KIAA0319: variants seen among roughly 807,000 people sequenced by gnomAD.
KIAA0319 encodes dyslexia-associated protein KIAA0319.
KIAA0319 carries 83 observed loss-of-function variants against 108.4 expected under a neutral mutation model. The ratio of observed to expected loss-of-function variants is 0.77; its 90% CI spans 0.64 to 0.92. The LOEUF (loss-of-function observed/expected upper bound fraction) is 0.92. Ranked by LOEUF, KIAA0319 falls within the 40% of genes least tolerant of loss-of-function variation. KIAA0319 has a pLI of 0.00. For synonymous variants in KIAA0319, 484 were observed against 510.4 expected (o/e 0.95, Z 0.70); for missense variants, 1,195 against 1,322.4 (o/e 0.90, Z 1.49).
At chr6:24,569,555 T>C (rs1388077563) in intron 12 of KIAA0319, among the ~76,000 whole-genome samples, 11 of 152,214 alleles carry the variant, frequency 7.2e-5, no homozygotes, top group Admixed American at 7.2e-4. Flanking sequence ...TTAGATGATA[T>C]GGGTCGCCCC....
intron 6 of KIAA0319, among the ~76,000 whole-genome samples, chr6:24,581,599 T>A (rs1489590159): frequency 6.6e-6 from 1 of 152,178 alleles, no homozygotes; most frequent in Non-Finnish European, 1.5e-5. Flanking sequence ...TATTGGCAAC[T>A]CTAGAGATGT....
chr6:24,617,143 T>G (rs907856575), intron 1 of KIAA0319, among the ~76,000 whole-genome samples: 2 of 152,128 alleles, frequency 1.3e-5, no homozygotes, highest in Non-Finnish European at 2.9e-5. Flanking sequence ...AACAACCATT[T>G]ACATTTAATA....
intron 1 of KIAA0319, among the ~76,000 whole-genome samples, chr6:24,633,498 G>A (rs1485953522): frequency 6.6e-6 from 1 of 152,122 alleles, no homozygotes; most frequent in African/African-American, 2.4e-5. Context: ...AGTGGCTCAT[G>A]CCTGGAATCC....
intron 8 of KIAA0319, among the ~76,000 whole-genome samples, chr6:24,579,242 C>A (rs1411411149): frequency 6.6e-6 from 1 of 151,734 alleles, no homozygotes; most frequent in Non-Finnish European, 1.5e-5. Flanking sequence ...AACACAGGGG[C>A]CCCTTCCACA....
At chr6:24,639,113 T>A (rs1183603082) in intron 1 of KIAA0319, among the ~76,000 whole-genome samples, 1 of 152,014 alleles carries the variant, frequency 6.6e-6, no homozygotes, top group African/African-American at 2.4e-5. Context: ...TGTAAAGAGA[T>A]AATGGCAAAC....
chr6:24,631,579 A>G (rs6923143), intron 1 of KIAA0319, among the ~76,000 whole-genome samples: 107,081 of 151,966 alleles, frequency 0.7, 38,303 homozygotes, highest in East Asian at 0.87. Flanking sequence ...TTACTCCTGG[A>G]AACACTGTCC....
At chr6:24,583,084 G>C (rs532023897) in intron 5 of KIAA0319, 1 of 985,326 alleles carries the variant, frequency 1.0e-6, no homozygotes, top group East Asian at 1.1e-4. Context: ...CATTTGACAG[G>C]CCACAGGTCC....
rs761541132 is a variant in KIAA0319, at chr6:24,583,676, C to T, written c.1021G>A (p.Asp341Asn). Residue 341 changes from aspartate to asparagine, a missense_variant, in exon 5 of 21, where the codon GAT becomes AAT. Asp to Asn is a conservative substitution (Grantham distance 23). Transcript: ENST00000378214. The stretch of plus-strand genomic sequence containing the variant: ...TCGGGTAAAGTTATAATTAGGTTAT[C>T]TCCAGCCGATACCGTAAGTTCTTTC... ...TVKELTVSAG[D>N]NLIITLPDNE... 1 of 1,613,154 alleles carries T rather than the reference C, an allele frequency of 6.2e-7. No individual in the cohort carries two copies. Among genetic ancestry groups the T allele is most frequent in the East Asian group, 2.2e-5 (1 of 44,866 alleles).
At chr6:24,544,079 A>G (rs1045596531), downstream of KIAA0319, 1 of 152,288 alleles carries the variant, frequency 6.6e-6, no homozygotes, top group African/African-American at 2.4e-5. Flanking sequence ...GAACAGCCAT[A>G]GATAATACAT....
intron 20 of KIAA0319, among the ~76,000 whole-genome samples, chr6:24,548,043 A>C (rs548006506): frequency 1.3e-5 from 2 of 152,100 alleles, no homozygotes; most frequent in Non-Finnish European, 2.9e-5. Context: ...GGGAAAAAAA[A>C]CAAAAACAAG....
downstream of KIAA0319, among the ~76,000 whole-genome samples, chr6:24,540,474 T>C (rs964074383): frequency 1.3e-5 from 2 of 152,184 alleles, no homozygotes; most frequent in Admixed American, 6.5e-5. Flanking sequence ...ATGTGCTCTC[T>C]TCCTGCTGCA....
In KIAA0319 at chr6:24,599,125, G is replaced by A. The variant is rs1163787016; in HGVS notation, c.55+1924C>T. On this transcript the variant is annotated intron_variant, in intron 2 of 20. Coordinates refer to ENST00000378214, the MANE Select transcript of KIAA0319 (RefSeq NM_014809.4). This position sits in a 1 kb window ranked among gnomAD's most constrained non-coding sequence, Gnocchi z 4.1. ...AACAGCTGGTCCCTGGACATGGACA[G>A]CATCATTGCTGAGGTCAAGGCCCAG... The A allele has an allele frequency of 3.0e-6, 2 of 658,500 alleles. No homozygotes were observed. The highest frequency in any genetic ancestry group is 5.4e-6 in the Non-Finnish European group (2 of 368,666). 40.8% of individuals were successfully genotyped at this position (658,500 alleles called of 1,614,324 possible). A position where few individuals can be genotyped will look rare whatever the true frequency, so the allele number is the denominator to read the frequency against.
chr6:24,600,962 G>A (rs926145672), intron 2 of KIAA0319, 87 bp downstream of exon 2: 19 of 1,534,348 alleles, frequency 1.2e-5, no homozygotes, highest in African/African-American at 6.8e-5. Flanking sequence ...AACCAACAGC[G>A]TCTTCACCTC....
chr6:24,570,039 G>A lies in KIAA0319; in HGVS notation c.1859-4C>T, dbSNP rs1764470137. ...GCCACTGGAGGTCTATTGTTTTCTG[G>A]AATTACAGAAACAGTGTGAAAAAGT... On this transcript the variant is annotated splice_polypyrimidine_tract_variant and splice_region_variant and intron_variant, in intron 11 of 20. Coordinates refer to ENST00000378214, the MANE Select transcript of KIAA0319 (RefSeq NM_014809.4). 6.2e-7 allele frequency: 1 copy of A among 1,612,588 alleles called. No individual in the cohort carries two copies. Among genetic ancestry groups the A allele is most frequent in the African/African-American group, 1.3e-5 (1 of 74,850 alleles).
intron 1 of KIAA0319, among the ~76,000 whole-genome samples, chr6:24,606,896 C>T (rs1771486433): frequency 6.6e-6 from 1 of 152,230 alleles, no homozygotes; most frequent in South Asian, 2.1e-4. Context: ...CCATCTAGGA[C>T]TACACAGAGG....
chr6:24,587,407 A>C (rs771371282), intron 4 of KIAA0319, among the ~76,000 whole-genome samples: 15 of 151,850 alleles, frequency 9.9e-5, no homozygotes, highest in Non-Finnish European at 1.9e-4. Context: ...CAGCCTCCCA[A>C]GTAGCTGGGA....
intron 3 of KIAA0319, among the ~76,000 whole-genome samples, chr6:24,594,358 G>A (rs1326886541): frequency 6.6e-6 from 1 of 151,812 alleles, no homozygotes; most frequent in African/African-American, 2.4e-5. Flanking sequence ...GGGCACGGTG[G>A]CTCATGCCTG....
chr6:24,624,805 C>T (rs1309472275), intron 1 of KIAA0319, among the ~76,000 whole-genome samples: 1 of 152,236 alleles, frequency 6.6e-6, no homozygotes, highest in African/African-American at 2.4e-5. Flanking sequence ...GAAGCCCTGA[C>T]TCCCATATTT....
intron 12 of KIAA0319, among the ~76,000 whole-genome samples, chr6:24,569,162 A>AT (rs578052918): frequency 4.0e-4 from 61 of 152,292 alleles, no homozygotes; most frequent in African/African-American, 1.5e-3. Flanking sequence ...TTTGTTCTCG[A>AT]TTTTTTTAAG....
Sources: gnomAD v4.1 joint callset for allele counts (sites outside exome capture counted in the v4.1 genomes callset) on GRCh38, gnomAD v4.1.1 for gene constraint, Gnocchi (gnomAD v3.1) non-coding constraint, MANE v1.5 for transcripts, NCBI Gene and HGNC (gene_info 2026-07-23, HGNC 2026-07-21) for gene names.